The following LRP2 variants were observed in gnomAD, a reference collection of about 807,000 sequenced individuals.
LRP2 encodes LDL receptor related protein 2, also known as low-density lipoprotein receptor-related protein 2.
LRP2 carries 172 observed loss-of-function variants against 531.0 expected under a neutral mutation model. The ratio of observed to expected loss-of-function variants is 0.32; its 90% CI spans 0.29 to 0.37. LRP2 has a LOEUF of 0.37. Among genes scored for constraint, LRP2 ranks in the 10% least tolerant of loss-of-function variants. LRP2 has a pLI of 1.00. For synonymous variants in LRP2, 1,992 were observed against 2,027.6 expected (o/e 0.98, Z 0.47); for missense variants, 5,167 against 5,868.3 (o/e 0.88, Z 3.90).
chr2:169,160,459 G>C (rs1686535221), intron 63 of LRP2, among the ~76,000 whole-genome samples: 1 of 151,820 alleles, frequency 6.6e-6, no homozygotes. Flanking sequence ...GAAGATGAAG[G>C]AGGAGGAGGA....
intron 56 of LRP2, among the ~76,000 whole-genome samples, chr2:169,173,494 C>T (rs187990477): frequency 9.9e-5 from 15 of 152,260 alleles, no homozygotes; most frequent in Non-Finnish European, 1.9e-4. Flanking sequence ...AGTAAAAAAC[C>T]TGGGTTGAAG....
At chr2:169,177,293 A>G (rs927137627) in intron 53 of LRP2, among the ~76,000 whole-genome samples, 2 of 152,220 alleles carry the variant, frequency 1.3e-5, no homozygotes, top group Admixed American at 6.5e-5. Context: ...TAAAAGGAAT[A>G]TAAGTTCACA....
chr2:169,327,518 C>T (rs1374918325), intron 1 of LRP2, among the ~76,000 whole-genome samples: 2 of 127,434 alleles, frequency 1.6e-5, no homozygotes, highest in Non-Finnish European at 3.4e-5. Context: ...GCCAGCCGCC[C>T]CGTCCGGGAG....
At position 169,161,184 on chromosome 2, in the gene LRP2, C is replaced by A. The variant is rs571105220; in HGVS notation, c.11887+1288G>T. ...GCCCTCCTAACCTGGACTTACATGA[C>A]TGCTCCAATTCTGCCTCTGACATTC... On this transcript the variant is annotated intron_variant, in intron 63 of 78. Coordinates refer to ENST00000649046, the MANE Select transcript of LRP2 (RefSeq NM_004525.3). 7.9e-5 allele frequency among the ~76,000 whole-genome samples: 12 copies of A among 152,346 alleles called. No homozygotes were observed. In the South Asian group the frequency reaches 2.1e-3, roughly 26 times the overall value.
intron 1 of LRP2, among the ~76,000 whole-genome samples, chr2:169,351,686 A>T (rs1685853227): frequency 6.6e-6 from 1 of 152,230 alleles, no homozygotes; most frequent in Non-Finnish European, 1.5e-5. Flanking sequence ...GAGGCAATAG[A>T]CAGACTAGGA....
At chr2:169,338,397 AAAGAAAG>A (rs1221964055) in intron 1 of LRP2, among the ~76,000 whole-genome samples, 1,343 of 127,298 alleles carry the variant, frequency 0.011, 8 homozygotes, top group Middle Eastern at 0.023. Context: ...AGAAAGAAAG[AAAGAAAG>A]AAAGAAAAGA....
At chr2:169,204,367 C>A in intron 41 of LRP2, 96 bp from the exon 42 acceptor site, 1 of 1,173,630 alleles carries the variant, frequency 8.5e-7, no homozygotes, top group East Asian at 2.3e-5. Flanking sequence ...ATTGTTTACA[C>A]AAGCTGCAAA....
At chr2:169,322,242 A>G (rs1282374185) in intron 1 of LRP2, among the ~76,000 whole-genome samples, 2 of 152,244 alleles carry the variant, frequency 1.3e-5, no homozygotes, top group African/African-American at 4.8e-5. Flanking sequence ...CAGGCATATC[A>G]ACAGCATGAC....
intron 1 of LRP2, 102 bp from the exon 2 acceptor site, chr2:169,320,986 T>A: frequency 1.3e-6 from 1 of 793,012 alleles, no homozygotes. Context: ...ACTAATTAGA[T>A]AATCAAAGAA....
At chr2:169,157,547 T>C in intron 63 of LRP2, 45 bp from the exon 64 acceptor site, 2 of 1,607,338 alleles carry the variant, frequency 1.2e-6, no homozygotes, top group South Asian at 1.1e-5. Context: ...CAGCCACAAA[T>C]AACAGTCAAG....
At chr2:169,337,168 C>T (rs1183055487) in intron 1 of LRP2, among the ~76,000 whole-genome samples, 2 of 152,144 alleles carry the variant, frequency 1.3e-5, no homozygotes, top group African/African-American at 2.4e-5. Flanking sequence ...AACTTATTCA[C>T]GGGAAGGTTT....
chr2:169,332,822 A>G (rs1003512457), intron 1 of LRP2, among the ~76,000 whole-genome samples: 2 of 152,134 alleles, frequency 1.3e-5, no homozygotes, highest in Admixed American at 1.3e-4. Flanking sequence ...TCTGATGACA[A>G]CTCTTATCAG....
rs1687907298 is a variant in LRP2 at position 169,193,689 on chromosome 2, AAC to A, written c.8830+70_8830+71del. The A allele has an allele frequency of 2.5e-6, 4 of 1,596,854 alleles. No homozygotes were observed. The African/African-American group carries it at 5.4e-5, about 21-fold the overall frequency. On this transcript the variant is annotated intron_variant, in intron 47 of 78. Transcript: ENST00000649046. The stretch of plus-strand genomic sequence containing the variant: ...GAGAAATCTGCAATCATACTCTCCA[AAC>A]ACAGAAAAACAACTCTACTGTGTTT...
At chr2:169,240,024 T>C (rs1689748519) in intron 25 of LRP2, among the ~76,000 whole-genome samples, 1 of 152,198 alleles carries the variant, frequency 6.6e-6, no homozygotes, top group South Asian at 2.1e-4. Flanking sequence ...CCCAATAGTA[T>C]AACTCCATTT....
chr2:169,286,803 G>T (rs1683870841), intron 9 of LRP2, among the ~76,000 whole-genome samples: 1 of 152,202 alleles, frequency 6.6e-6, no homozygotes, highest in Admixed American at 6.5e-5. Flanking sequence ...CTGTAAGACA[G>T]CTCAGCCCCA....
rs1308753973 is a variant in LRP2 at position 169,176,441 on chromosome 2, C to G, written c.10541G>C (p.Ser3514Thr). 3.7e-6 allele frequency: 6 copies of G among 1,614,022 alleles called. No homozygotes were observed. The highest frequency in any genetic ancestry group is 5.1e-6 in the Non-Finnish European group (6 of 1,180,042). ...ATTGTTAGCGCACAGGAACTGGGTGCTGGAGCACATGGGCATGCAGTAGGT... is the reference window on the plus strand; with the variant it reads ...ATTGTTAGCGCACAGGAACTGGGTGGTGGAGCACATGGGCATGCAGTAGGT... Reference protein sequence around the residue: ...GSTYCMPMCSSTQFLCANNEK... With the variant: ...GSTYCMPMCSTTQFLCANNEK... The change falls in exon 54 of 79, where the codon AGC becomes ACC. Residue 3514 changes from serine to threonine, a missense_variant. Around this residue, in one of 6 missense-constraint regions of LRP2, gnomAD observed 311 missense variants for 309.4 expected, o/e 1.01. Coordinates refer to ENST00000649046, the MANE Select transcript of LRP2 (RefSeq NM_004525.3).
chr2:169,278,091 AGTT>A, intron 12 of LRP2, 140 bp from the exon 13 acceptor site: 2 of 712,184 alleles, frequency 2.8e-6, no homozygotes, highest in Non-Finnish European at 2.4e-6. Flanking sequence ...AGGGAAATTA[AGTT>A]GTTTTTTTTT....
At chr2:169,187,616 G>C (rs1273399982) in intron 49 of LRP2, among the ~76,000 whole-genome samples, 3 of 152,172 alleles carry the variant, frequency 2.0e-5, no homozygotes, top group African/African-American at 7.2e-5. Flanking sequence ...AGGCCAACGA[G>C]TTCTAGCAGA....
chr2:169,128,598 A>G lies in LRP2; in HGVS notation c.*65T>C. On this transcript the variant is annotated 3_prime_UTR_variant, in exon 79 of 79. Coordinates refer to ENST00000649046, the MANE Select transcript of LRP2 (RefSeq NM_004525.3). ...AAAGTACTGAATGTTAACTTTTTTC[A>G]TCTGTTTGTAAAAAATATATGTGCA... The G allele has an allele frequency of 6.7e-7, 1 of 1,498,226 alleles. No individual in the cohort carries two copies. Among genetic ancestry groups the G allele is most frequent in the Non-Finnish European group, 9.3e-7 (1 of 1,076,568 alleles). 92.8% of individuals were successfully genotyped at this position (1,498,226 alleles called of 1,614,324 possible).
Sources: gnomAD v4.1 joint callset for allele counts (sites outside exome capture counted in the v4.1 genomes callset) on GRCh38, gnomAD v4.1.1 for gene constraint, gnomAD v4.1.1 regional missense constraint, MANE v1.5 for transcripts, NCBI Gene and HGNC (gene_info 2026-07-23, HGNC 2026-07-21) for gene names.